ADGRB3: variants seen among roughly 807,000 people sequenced by gnomAD.
The protein encoded by ADGRB3 is brain-specific angiogenesis inhibitor 3.
Under a neutral mutation model 193.4 loss-of-function variants are expected in ADGRB3, and 37 were observed. That is an observed-to-expected ratio of 0.19 (90% CI 0.15 to 0.25). The LOEUF is 0.25. ADGRB3 is among the 10% of genes least tolerant of loss of function. ADGRB3 has a pLI of 1.00. For synonymous variants in ADGRB3, 690 were observed against 644.2 expected, an observed-to-expected ratio of 1.07 and a Z score of -1.08; for missense variants, 1,637 against 1,852.9, an observed-to-expected ratio of 0.88 and a Z score of 2.14.
chr6:69,323,862 G>A (rs565320657), intron 20 of ADGRB3, among the ~76,000 whole-genome samples: 58 of 152,184 alleles, frequency 3.8e-4, no homozygotes, highest in African/African-American at 1.3e-3. Context: ...GCAGTGGATG[G>A]TGGTAGAGAT....
chr6:69,360,696 TG>T (rs1272436303), intron 28 of ADGRB3, among the ~76,000 whole-genome samples, 172 bp from the exon 29 acceptor site: 3 of 151,962 alleles, frequency 2.0e-5, no homozygotes, highest in African/African-American at 7.2e-5. Context: ...GAAAAGTGAT[TG>T]AGTAATCTCT....
intron 28 of ADGRB3, among the ~76,000 whole-genome samples, chr6:69,357,923 A>G (rs745895261): frequency 6.6e-6 from 1 of 151,926 alleles, no homozygotes; most frequent in Non-Finnish European, 1.5e-5. Flanking sequence ...ACCTGCCATA[A>G]TTTCTCAAAA....
At chr6:69,321,244 G>A (rs1768450111) in intron 20 of ADGRB3, among the ~76,000 whole-genome samples, 1 of 151,788 alleles carries the variant, frequency 6.6e-6, no homozygotes. Context: ...GGTAAAAACA[G>A]TGCTCAGTTT....
At chr6:69,285,080 GGTTCCTA>G (rs1767520087) in intron 20 of ADGRB3, among the ~76,000 whole-genome samples, 1 of 152,092 alleles carries the variant, frequency 6.6e-6, no homozygotes, top group South Asian at 2.1e-4. Flanking sequence ...AGAATATATC[GGTTCCTA>G]CTTCAGGTTT....
At chr6:68,786,585 C>G (rs1766976043) in intron 3 of ADGRB3, among the ~76,000 whole-genome samples, 2 of 152,134 alleles carry the variant, frequency 1.3e-5, no homozygotes, top group African/African-American at 4.8e-5. Flanking sequence ...ATTCAGGTAG[C>G]ATGATGCCTC....
chr6:68,847,966 A>G (rs1027940982), intron 3 of ADGRB3, among the ~76,000 whole-genome samples: 1 of 152,158 alleles, frequency 6.6e-6, no homozygotes, highest in Non-Finnish European at 1.5e-5. Context: ...GTACAAATTT[A>G]TGAACCTGAG....
At chr6:68,702,948 G>A (rs562994792) in intron 3 of ADGRB3, among the ~76,000 whole-genome samples, 21 of 152,002 alleles carry the variant, frequency 1.4e-4, no homozygotes, top group African/African-American at 4.6e-4. Flanking sequence ...ATTATTGCAG[G>A]GTATTTAAAA....
At chr6:69,104,036 A>T (rs896738249) in intron 17 of ADGRB3, among the ~76,000 whole-genome samples, 2 of 151,316 alleles carry the variant, frequency 1.3e-5, no homozygotes, top group Non-Finnish European at 3.0e-5. Flanking sequence ...TTAGTTTTTA[A>T]TTTTTTTTTA....
rs115234875 is a variant in ADGRB3, at chr6:68,819,573, A to G, written c.758-110986A>G. Among the ~76,000 whole-genome samples, 269 of 152,120 alleles carry G rather than the reference A, an allele frequency of 1.8e-3. 2 individuals carry two copies. Among genetic ancestry groups the G allele is most frequent in the Middle Eastern group, 6.8e-3 (2 of 294 alleles). On this transcript the variant is annotated intron_variant, in intron 3 of 31. Transcript: ENST00000370598. ...TCTATATGTAGGACTGACATCTTAC[A>G]TATATATGCAGCTGCTGCGGAGTAT...
At chr6:68,952,854 A>G (rs144048379) in intron 6 of ADGRB3, among the ~76,000 whole-genome samples, 17 of 152,258 alleles carry the variant, frequency 1.1e-4, no homozygotes, top group Admixed American at 7.9e-4. Context: ...TTGAACCTCA[A>G]ATTGCTCCTC....
intron 17 of ADGRB3, among the ~76,000 whole-genome samples, chr6:69,077,939 G>GT (rs1228499486): frequency 2.6e-5 from 4 of 151,886 alleles, no homozygotes; most frequent in Non-Finnish European, 5.9e-5. Flanking sequence ...TATTAAAAGT[G>GT]TTTTTCTGGG....
chr6:68,669,131 T>G (rs1051523856), intron 3 of ADGRB3, among the ~76,000 whole-genome samples: 5 of 151,942 alleles, frequency 3.3e-5, no homozygotes, highest in Non-Finnish European at 7.4e-5. Flanking sequence ...ATGGAATACA[T>G]GAGATGTTTC....
At chr6:68,780,476 A>G (rs996659912) in intron 3 of ADGRB3, among the ~76,000 whole-genome samples, 3 of 152,112 alleles carry the variant, frequency 2.0e-5, no homozygotes, top group African/African-American at 4.8e-5. Context: ...AGCATCTCCC[A>G]AAGGAAGTCA....
intron 3 of ADGRB3, among the ~76,000 whole-genome samples, chr6:68,879,636 G>T (rs940345722): frequency 1.3e-5 from 2 of 152,140 alleles, no homozygotes; most frequent in Non-Finnish European, 2.9e-5. Flanking sequence ...GCATGTGTGT[G>T]TGCATCTTTC....
chr6:69,041,052 T>A (rs1771053146), intron 13 of ADGRB3, among the ~76,000 whole-genome samples: 1 of 152,166 alleles, frequency 6.6e-6, no homozygotes, highest in South Asian at 2.1e-4. Context: ...ATCGAGCTGT[T>A]AGAACTCTCT....
At chr6:69,279,380 G>A (rs929723114) in intron 20 of ADGRB3, among the ~76,000 whole-genome samples, 1 of 151,782 alleles carries the variant, frequency 6.6e-6, no homozygotes, top group South Asian at 2.1e-4. Flanking sequence ...AATGGTGGGA[G>A]CATTCCATTT....
chr6:69,251,362 A>T lies in ADGRB3; in HGVS notation c.2814+12136A>T, dbSNP rs546409470. Among the ~76,000 whole-genome samples, 159 of 148,804 alleles carry T rather than the reference A, an allele frequency of 1.1e-3. 1 individual carries two copies. Among genetic ancestry groups the T allele is most frequent in the South Asian group, 1.7e-3 (8 of 4,780 alleles). On this transcript the variant is annotated intron_variant, in intron 20 of 31. Transcript: ENST00000370598. ...TGGTTTTTCCACTAATCTGTCTAGG[A>T]ACCCATTTTTTTTTTACAGCCATTA... is the stretch of plus-strand genomic sequence containing the variant.
At chr6:69,357,530 C>T (rs1299237670) in intron 28 of ADGRB3, among the ~76,000 whole-genome samples, 1 of 151,824 alleles carries the variant, frequency 6.6e-6, no homozygotes, top group African/African-American at 2.4e-5. Flanking sequence ...GTAGAGAAAC[C>T]TGCTATATTC....
At position 69,048,295 on chromosome 6, in the gene ADGRB3, G is replaced by A; in HGVS notation, c.2218G>A (p.Val740Ile). 1 of 1,613,504 alleles carries A rather than the reference G, an allele frequency of 6.2e-7. No homozygotes were observed. The highest frequency in any genetic ancestry group is 8.5e-7 in the Non-Finnish European group (1 of 1,179,684). ...GGCAAGAAACTCAGAAGATAGGGTA[G>A]TAATTCCAAAAAGCATTTTCACTCC... ...DWARNSEDRV[V>I]IPKSIFTPVS... The change falls in exon 14 of 32, where the codon GTA becomes ATA. Residue 740 changes from valine (V) to isoleucine (I), a missense_variant. Physicochemically the swap from Val to Ile is conservative, Grantham distance 29 (BLOSUM62 3). Around this residue, in one of 7 missense-constraint regions of ADGRB3, gnomAD observed 641 missense variants for 673.9 expected, o/e 0.95. Coordinates refer to ENST00000370598, the MANE Select transcript of ADGRB3 (RefSeq NM_001704.3).
Sources: gnomAD v4.1 joint callset for allele counts (sites outside exome capture counted in the v4.1 genomes callset) on GRCh38, gnomAD v4.1.1 for gene constraint, gnomAD v4.1.1 regional missense constraint, MANE v1.5 for transcripts, NCBI Gene and HGNC (gene_info 2026-07-23, HGNC 2026-07-21) for gene names.